The following STPG2 variants were observed in gnomAD, a reference collection of about 807,000 sequenced individuals.
The protein encoded by STPG2 is sperm tail PG-rich repeat containing 2.
Under a neutral mutation model 54.2 loss-of-function variants are expected in STPG2, and 56 were observed. The observed-to-expected ratio is 1.03, with a 90% CI of 0.83 to 1.29. STPG2 has a LOEUF of 1.29. Ranked by LOEUF, STPG2 falls within the 50% of genes most tolerant of loss-of-function variation. STPG2 has a pLI of 0.00. For missense variants in STPG2, 596 were observed against 544.9 expected (o/e 1.09, Z -0.93); for synonymous variants, 200 against 181.8 (o/e 1.10, Z -0.81).
chr4:98,073,550 A>G (rs1469156303), intron 5 of STPG2, among the ~76,000 whole-genome samples: 4 of 152,046 alleles, frequency 2.6e-5, no homozygotes, highest in Non-Finnish European at 4.4e-5. Flanking sequence ...ACATGAGGAA[A>G]CTTCATCTCT....
At chr4:98,078,832 T>C (rs1038408723) in intron 5 of STPG2, among the ~76,000 whole-genome samples, 1 of 152,156 alleles carries the variant, frequency 6.6e-6, no homozygotes, top group African/African-American at 2.4e-5. Context: ...TATATATACA[T>C]ATGTCTTTAA....
At chr4:97,565,137 T>G (rs1327183725) in intron 10 of STPG2, among the ~76,000 whole-genome samples, 1 of 152,162 alleles carries the variant, frequency 6.6e-6, no homozygotes, top group African/African-American at 2.4e-5. Context: ...TCGTTTCTTT[T>G]TATTCTTTTT....
At chr4:98,056,076 C>T (rs1737472840) in intron 5 of STPG2, among the ~76,000 whole-genome samples, 1 of 152,132 alleles carries the variant, frequency 6.6e-6, no homozygotes, top group South Asian at 2.1e-4. Flanking sequence ...GTTTTACTTG[C>T]AACACCAGCA....
At chr4:97,963,701 C>T (rs1733984021) in intron 7 of STPG2, among the ~76,000 whole-genome samples, 1 of 151,270 alleles carries the variant, frequency 6.6e-6, no homozygotes, top group South Asian at 2.1e-4. Context: ...AATATATATA[C>T]ACACATATAT....
chr4:98,034,427 C>T lies in STPG2; in HGVS notation c.613-53109G>A, dbSNP rs537918542. ...TACCTCTTCAAGGAGAACTACAAAC[C>T]ATCACTCAAGGAAATAAGAGAGGAC... is the stretch of plus-strand genomic sequence containing the variant. On this transcript the variant is annotated intron_variant, in intron 5 of 10. Transcript: ENST00000295268. 2.6e-5 allele frequency among the ~76,000 whole-genome samples: 4 copies of T among 152,104 alleles called. No homozygotes were observed. In the South Asian group the frequency reaches 8.3e-4, roughly 32 times the overall value.
intron 5 of STPG2, among the ~76,000 whole-genome samples, chr4:98,084,031 T>C (rs1738433829): frequency 6.6e-6 from 1 of 151,824 alleles, no homozygotes; most frequent in South Asian, 2.1e-4. Context: ...TTTGTTGTTG[T>C]TGTTTGTTTG....
At chr4:98,034,432 C>T (rs888406395) in intron 5 of STPG2, among the ~76,000 whole-genome samples, 4 of 152,146 alleles carry the variant, frequency 2.6e-5, no homozygotes, top group African/African-American at 9.7e-5. Context: ...CAAACCATCA[C>T]TCAAGGAAAT....
intron 10 of STPG2, among the ~76,000 whole-genome samples, chr4:97,559,704 T>C (rs1488852645): frequency 6.6e-6 from 1 of 152,194 alleles, no homozygotes; most frequent in Admixed American, 6.5e-5. Flanking sequence ...TATTTAACCT[T>C]CAATTCTCTC....
At chr4:98,122,644 T>C (rs1376696320) in intron 3 of STPG2, among the ~76,000 whole-genome samples, 1 of 152,214 alleles carries the variant, frequency 6.6e-6, no homozygotes, top group African/African-American at 2.4e-5. Context: ...CAGTTTTCTT[T>C]TTTTGTTATC....
rs181454520 is a variant in STPG2, at chr4:97,521,283, G to A, written c.462+191416C>T. Among the ~76,000 whole-genome samples the A allele has an allele frequency of 4.1e-3, 630 of 152,054 alleles. 3 individuals are homozygous for A. Among genetic ancestry groups the A allele is most frequent in the South Asian group, 0.02 (98 of 4,826 alleles). On this transcript the variant is annotated intron_variant, in intron 4 of 4. Transcript: ENST00000522676. ...CAGGACCAACAAATCAACAGCAGAAGATCAAAGAATTTTAAGAATCAAGGA... is the reference window on the plus strand; with the variant it reads ...CAGGACCAACAAATCAACAGCAGAAAATCAAAGAATTTTAAGAATCAAGGA...
At chr4:97,697,156 T>A (rs992230577) in intron 10 of STPG2, among the ~76,000 whole-genome samples, 23 of 152,190 alleles carry the variant, frequency 1.5e-4, no homozygotes, top group African/African-American at 5.5e-4. Context: ...AGCAAGACCT[T>A]ATTATCTGGA....
At chr4:97,785,719 T>A (rs978372391) in intron 9 of STPG2, among the ~76,000 whole-genome samples, 16 of 152,176 alleles carry the variant, frequency 1.1e-4, no homozygotes, top group Non-Finnish European at 2.1e-4. Context: ...CGTTCCCACC[T>A]GGCTCCAGAC....
chr4:97,772,899 T>C (rs1012755489), intron 9 of STPG2, among the ~76,000 whole-genome samples: 3 of 152,194 alleles, frequency 2.0e-5, no homozygotes, highest in Non-Finnish European at 4.4e-5. Context: ...TTTGGAAGCC[T>C]GTACCATTGC....
intron 10 of STPG2, among the ~76,000 whole-genome samples, chr4:97,635,944 T>A: frequency 6.8e-6 from 1 of 146,974 alleles, no homozygotes; most frequent in Non-Finnish European, 1.5e-5. Context: ...AGACAGAAAG[T>A]CAACAAGGAC....
At chr4:98,110,802 G>A (rs977404891) in intron 3 of STPG2, among the ~76,000 whole-genome samples, 8 of 151,998 alleles carry the variant, frequency 5.3e-5, no homozygotes, top group Non-Finnish European at 8.8e-5. Context: ...ATTTGTAACC[G>A]CTAAGTTGTT....
intron 2 of STPG2, among the ~76,000 whole-genome samples, chr4:98,133,721 T>C (rs6830124): frequency 0.4 from 60,042 of 151,834 alleles, 12,120 homozygotes; most frequent in Middle Eastern, 0.46. Context: ...AACCTGCATC[T>C]ATATCGATCA....
At chr4:97,691,171 T>G (rs1016648218) in intron 10 of STPG2, among the ~76,000 whole-genome samples, 2 of 151,990 alleles carry the variant, frequency 1.3e-5, no homozygotes, top group African/African-American at 4.8e-5. Context: ...ACAGACCCTT[T>G]GAAGGAGGTG....
chr4:97,773,047 T>C (rs1234433522), intron 9 of STPG2, among the ~76,000 whole-genome samples: 1 of 152,212 alleles, frequency 6.6e-6, no homozygotes, highest in Non-Finnish European at 1.5e-5. Flanking sequence ...CTATGTATTT[T>C]ACATTAATGA....
intron 5 of STPG2, among the ~76,000 whole-genome samples, chr4:98,023,889 A>C (rs1736323854): frequency 1.3e-5 from 2 of 152,134 alleles, no homozygotes; most frequent in South Asian, 4.1e-4. Context: ...GGAAAAGCGC[A>C]GTATTAGGGT....
Sources: gnomAD v4.1 joint callset for allele counts (sites outside exome capture counted in the v4.1 genomes callset) on GRCh38, gnomAD v4.1.1 for gene constraint, MANE v1.5 for transcripts, NCBI Gene and HGNC (gene_info 2026-07-23, HGNC 2026-07-21) for gene names.